Variants in GPBP1 observed in about 807,000 individuals in gnomAD.
GPBP1 encodes GC-rich promoter binding protein 1, also known as vasculin.
Under a neutral mutation model 56.5 loss-of-function variants are expected in GPBP1, and 13 were observed. The observed-to-expected ratio is 0.23, with a 90% confidence interval of 0.15 to 0.37. GPBP1 has a LOEUF of 0.37. GPBP1 is among the 10% of genes least tolerant of loss of function. The pLI is 1.00. For missense variants in GPBP1, 477 were observed against 572.3 expected, an observed-to-expected ratio of 0.83 and a Z score of 1.70; for synonymous variants, 204 against 188.9, an observed-to-expected ratio of 1.08 and a Z score of -0.66.
At chr5:57,221,297 T>G in intron 3 of GPBP1, 1 of 985,628 alleles carries the variant, frequency 1.0e-6, no homozygotes, top group South Asian at 1.9e-5. Flanking sequence ...CGCACTAGTT[T>G]TTTCTTTTGT....
At chr5:57,204,755 C>CT (rs1412750810) in intron 2 of GPBP1, among the ~76,000 whole-genome samples, 1 of 152,130 alleles carries the variant, frequency 6.6e-6, no homozygotes, top group Non-Finnish European at 1.5e-5. Flanking sequence ...ATGTTGTTCA[C>CT]TTTAATTTGT....
chr5:57,181,811 GA>G (rs1754062207), intron 2 of GPBP1, among the ~76,000 whole-genome samples: 2 of 152,162 alleles, frequency 1.3e-5, no homozygotes, highest in Non-Finnish European at 1.5e-5. Flanking sequence ...ACCTTCAACA[GA>G]AATGTTGAAA....
chr5:57,226,400 A>G (rs927355639), intron 3 of GPBP1, among the ~76,000 whole-genome samples: 1 of 152,136 alleles, frequency 6.6e-6, no homozygotes, highest in African/African-American at 2.4e-5. Flanking sequence ...AAGACCAGTT[A>G]AATGAATTTT....
chr5:57,187,636 C>T (rs1044630854), intron 2 of GPBP1, among the ~76,000 whole-genome samples: 3 of 152,128 alleles, frequency 2.0e-5, no homozygotes, highest in Admixed American at 2.0e-4. Flanking sequence ...GTGATATTGG[C>T]CAACATAGTC....
chr5:57,264,011 G>C lies in GPBP1; in HGVS notation c.*1259G>C, dbSNP rs1440037068. 1 of 152,062 alleles carries C rather than the reference G, an allele frequency of 6.6e-6. No individual in the cohort carries two copies. The highest frequency in any genetic ancestry group is 1.5e-5 in the Non-Finnish European group (1 of 67,992). The allele number at this position is 152,062 out of a possible 1,614,324, so 9.4% of individuals were successfully genotyped here. A position where few individuals can be genotyped will look rare whatever the true frequency, so the allele number is the denominator to read the frequency against. Reference sequence around the variant, plus strand: ...ATGTCAGATCTAATCTTAAGTGTTTGTTGTTTTTTAAAAAGTGTTTTCTCA... The same window carrying C: ...ATGTCAGATCTAATCTTAAGTGTTTCTTGTTTTTTAAAAAGTGTTTTCTCA... On this transcript the variant is annotated 3_prime_UTR_variant, in exon 12 of 12. Coordinates refer to ENST00000506184, the MANE Select transcript of GPBP1 (RefSeq NM_022913.4).
intron 7 of GPBP1, 122 bp from the exon 8 acceptor site, chr5:57,246,953 T>C (rs765386358): frequency 6.8e-6 from 5 of 730,342 alleles, no homozygotes; most frequent in Non-Finnish European, 1.1e-5. Flanking sequence ...TGCAGTGTGA[T>C]ACAAAAATAA....
intron 2 of GPBP1, among the ~76,000 whole-genome samples, chr5:57,196,439 AG>A (rs1286196726): frequency 1.3e-5 from 2 of 152,236 alleles, no homozygotes; most frequent in Non-Finnish European, 2.9e-5. Context: ...TGGTAATTTC[AG>A]GATAAGCATT....
chr5:57,212,272 GTAAATAC>G (rs570778173), intron 2 of GPBP1, among the ~76,000 whole-genome samples: 106 of 152,242 alleles, frequency 7.0e-4, no homozygotes, highest in South Asian at 4.4e-3. Flanking sequence ...GGAAAAGTGT[GTAAATAC>G]TAAATACTAA....
chr5:57,237,130 C>T, intron 6 of GPBP1: 1 of 1,549,584 alleles, frequency 6.5e-7, no homozygotes, highest in Non-Finnish European at 8.7e-7. Context: ...CGCCCAGACA[C>T]ACACATACCC....
At chr5:57,261,327 AT>A in intron 11 of GPBP1, 45 bp downstream of exon 11, 1 of 1,002,610 alleles carries the variant, frequency 1.0e-6, no homozygotes, top group Non-Finnish European at 1.6e-6. Context: ...AACTGCCCTT[AT>A]TTAGAACAAT....
At position 57,264,521 on chromosome 5, in the gene GPBP1, T is replaced by G. The variant is rs1742035003; in HGVS notation, c.*1769T>G. On this transcript the variant is annotated 3_prime_UTR_variant, in exon 12 of 12. Transcript: ENST00000506184. ...TGTGTTTTCTACTTTCAGAAAAGAT[T>G]CTGTAGTTTTGGTTTTTGGCATCTT... is the stretch of plus-strand genomic sequence containing the variant. 6.6e-6 allele frequency: 1 copy of G among 152,168 alleles called. No individual in the cohort carries two copies. Among genetic ancestry groups the G allele is most frequent in the African/African-American group, 2.4e-5 (1 of 41,436 alleles). 9.4% of individuals were successfully genotyped at this position (152,168 alleles called of 1,614,324 possible).
At chr5:57,178,468 ACTC>A (rs1753895580) in intron 2 of GPBP1, among the ~76,000 whole-genome samples, 1 of 151,782 alleles carries the variant, frequency 6.6e-6, no homozygotes, top group Non-Finnish European at 1.5e-5. Flanking sequence ...CTGGCCTTGA[ACTC>A]CTGACCTCAG....
chr5:57,228,230 G>T (rs1470851273), intron 3 of GPBP1, among the ~76,000 whole-genome samples: 4 of 152,164 alleles, frequency 2.6e-5, no homozygotes, highest in Non-Finnish European at 5.9e-5. Context: ...CCCAAGGCGG[G>T]CAGATCACAA....
At chr5:57,197,175 T>C (rs561913354) in intron 2 of GPBP1, among the ~76,000 whole-genome samples, 2 of 152,134 alleles carry the variant, frequency 1.3e-5, no homozygotes, top group South Asian at 4.1e-4. Flanking sequence ...GGCCATCACA[T>C]CTAGCCCATT....
chr5:57,218,140 GA>G (rs1682844814), intron 3 of GPBP1, among the ~76,000 whole-genome samples: 1 of 151,828 alleles, frequency 6.6e-6, no homozygotes, highest in African/African-American at 2.4e-5. Context: ...ACATAATTTG[GA>G]TTCTCCCCCT....
chr5:57,246,620 C>A (rs904592900), intron 7 of GPBP1, 136 bp downstream of exon 7: 6 of 601,598 alleles, frequency 1.0e-5, no homozygotes, highest in African/African-American at 1.8e-5. Context: ...CAAGAGTTGA[C>A]CCATATGTGC....
intron 3 of GPBP1, among the ~76,000 whole-genome samples, chr5:57,219,549 C>G (rs997756832): frequency 6.6e-6 from 1 of 151,726 alleles, no homozygotes; most frequent in Non-Finnish European, 1.5e-5. Context: ...TTGTTATTGA[C>G]TTTTGCCACC....
chr5:57,263,160 T>C lies in GPBP1; in HGVS notation c.*408T>C, dbSNP rs1301796754. On this transcript the variant is annotated 3_prime_UTR_variant, in exon 12 of 12. Transcript: ENST00000506184. ...GTTTTGCTTGCAGAGTCATATCTTT[T>C]TCGTACAATGGAAATCCTCAAGTCC... is the stretch of plus-strand genomic sequence containing the variant. 6.5e-6 allele frequency: 1 copy of C among 153,736 alleles called. No homozygotes were observed. The highest frequency in any genetic ancestry group is 2.4e-5 in the African/African-American group (1 of 41,496). 9.5% of individuals were successfully genotyped at this position (153,736 alleles called of 1,614,324 possible).
At chr5:57,186,147 A>C (rs1000873200) in intron 2 of GPBP1, among the ~76,000 whole-genome samples, 1 of 152,072 alleles carries the variant, frequency 6.6e-6, no homozygotes, top group African/African-American at 2.4e-5. Flanking sequence ...CTTTAATCTC[A>C]GTACTTTAGG....
Sources: allele counts gnomAD v4.1 joint callset (sites outside exome capture counted in the v4.1 genomes callset), GRCh38; gene constraint gnomAD v4.1.1; transcripts MANE v1.5; gene names NCBI Gene and HGNC (gene_info 2026-07-23, HGNC 2026-07-21).